Variants in CLVS1 observed in about 807,000 individuals in gnomAD.
CLVS1 encodes the protein clavesin-1.
Under a neutral mutation model 33.1 loss-of-function variants are expected in CLVS1, and 10 were observed. That is an observed-to-expected ratio of 0.30 (90% CI 0.19 to 0.51). The LOEUF is 0.51. Among genes scored for constraint, CLVS1 ranks in the 20% least tolerant of loss-of-function variants. The pLI, the probability that CLVS1 is intolerant of heterozygous loss-of-function variation, is 0.97. For missense variants in CLVS1, 343 were observed against 433.4 expected (o/e 0.79, Z 1.85); for synonymous variants, 163 against 166.1 (o/e 0.98, Z 0.14).
At chr8:61,186,044 CAG>C (rs1048278132) in intron 2 of CLVS1, among the ~76,000 whole-genome samples, 19 of 152,268 alleles carry the variant, frequency 1.2e-4, no homozygotes, top group African/African-American at 4.3e-4. Flanking sequence ...TCAGGGCTAA[CAG>C]GGGTAGGGGA....
chr8:61,134,175 G>A (rs1213890126), intron 2 of CLVS1, among the ~76,000 whole-genome samples: 5 of 152,130 alleles, frequency 3.3e-5, no homozygotes, highest in Non-Finnish European at 7.4e-5. Flanking sequence ...GAGACACAGA[G>A]AAAGAAATAG....
chr8:61,019,740 T>C, the CLVS1 span, among the ~76,000 whole-genome samples: 2 of 152,214 alleles, frequency 1.3e-5, no homozygotes, highest in Non-Finnish European at 2.9e-5. Context: ...TCATCATCCA[T>C]GTAGACATGG....
intron 1 of CLVS1, among the ~76,000 whole-genome samples, chr8:61,071,947 T>G (rs539127896): frequency 1.8e-4 from 27 of 152,338 alleles, no homozygotes; most frequent in Admixed American, 1.6e-3. Context: ...CCTGCCACTC[T>G]TATTTCCTCA....
chr8:61,340,361 C>T (rs889417009), intron 2 of CLVS1, among the ~76,000 whole-genome samples: 4 of 152,182 alleles, frequency 2.6e-5, no homozygotes, highest in African/African-American at 9.7e-5. Flanking sequence ...TCCTCCAGCC[C>T]CTGGTAGCTG....
chr8:61,026,925 T>C, the CLVS1 span, among the ~76,000 whole-genome samples: 1 of 152,036 alleles, frequency 6.6e-6, no homozygotes, highest in East Asian at 1.9e-4. Context: ...CACTTGAAAA[T>C]TGAGGCCTCA....
At chr8:61,337,120 A>G (rs1811834980) in intron 2 of CLVS1, among the ~76,000 whole-genome samples, 1 of 152,198 alleles carries the variant, frequency 6.6e-6, no homozygotes, top group African/African-American at 2.4e-5. Flanking sequence ...GTTGACTACA[A>G]GATCAGGGAA....
chr8:61,260,942 T>C (rs1809190926), intron 2 of CLVS1, among the ~76,000 whole-genome samples: 1 of 152,216 alleles, frequency 6.6e-6, no homozygotes, highest in Non-Finnish European at 1.5e-5. Flanking sequence ...AAGGAGCTTG[T>C]TTCAATTCAA....
chr8:60,979,973 CATG>C, the CLVS1 span, among the ~76,000 whole-genome samples: 9 of 152,222 alleles, frequency 5.9e-5, no homozygotes, highest in African/African-American at 1.4e-4. Flanking sequence ...TTGAAAAAGA[CATG>C]ATCTCTGCCC....
chr8:61,378,118 T>C (rs984645618), intron 3 of CLVS1: 2 of 152,212 alleles, frequency 1.3e-5, no homozygotes, highest in Admixed American at 1.3e-4. Context: ...TCAGGGCTTA[T>C]ATCATGCGCT....
chr8:61,209,144 G>C (rs1807920789), intron 2 of CLVS1, among the ~76,000 whole-genome samples: 1 of 152,086 alleles, frequency 6.6e-6, no homozygotes. Flanking sequence ...CACAAACATT[G>C]ACCATATTTT....
chr8:61,120,828 T>C (rs1805845406), intron 1 of CLVS1, among the ~76,000 whole-genome samples: 2 of 147,914 alleles, frequency 1.4e-5, no homozygotes, highest in Non-Finnish European at 3.0e-5. Context: ...GTCTTTTTGT[T>C]TGTCTGTGCC....
At chr8:61,444,074 T>C (rs1816668256) in intron 3 of CLVS1, among the ~76,000 whole-genome samples, 1 of 152,184 alleles carries the variant, frequency 6.6e-6, no homozygotes, top group African/African-American at 2.4e-5. Context: ...ATATTTATCT[T>C]AAATCCTGCA....
intron 5 of CLVS1, among the ~76,000 whole-genome samples, chr8:61,463,247 G>A (rs1411298895): frequency 1.3e-5 from 2 of 152,140 alleles, no homozygotes; most frequent in Non-Finnish European, 2.9e-5. Context: ...TTAGGCTTTG[G>A]CTTAAGGAAA....
At chr8:61,017,994 G>A in the CLVS1 span, among the ~76,000 whole-genome samples, 1 of 152,194 alleles carries the variant, frequency 6.6e-6, no homozygotes, top group Non-Finnish European at 1.5e-5. Context: ...AATGTTGAGG[G>A]CAGAAAGATG....
chr8:61,013,399 G>T, the CLVS1 span, among the ~76,000 whole-genome samples: 3 of 152,192 alleles, frequency 2.0e-5, no homozygotes, highest in Non-Finnish European at 4.4e-5. Flanking sequence ...TGCTGGCCCA[G>T]TCTCCTTCCC....
chr8:61,050,917 C>T, the CLVS1 span, among the ~76,000 whole-genome samples: 1 of 152,170 alleles, frequency 6.6e-6, no homozygotes, highest in African/African-American at 2.4e-5. Context: ...CCCTGCCACC[C>T]CTGGGAAAGT....
At chr8:61,447,906 G>C (rs1450117796) in intron 3 of CLVS1, among the ~76,000 whole-genome samples, 1 of 151,920 alleles carries the variant, frequency 6.6e-6, no homozygotes, top group Non-Finnish European at 1.5e-5. Context: ...TTTCCTTCCT[G>C]TTTAGGAGAA....
chr8:61,445,496 C>T (rs1381014286), intron 3 of CLVS1, among the ~76,000 whole-genome samples: 1 of 152,196 alleles, frequency 6.6e-6, no homozygotes, highest in Non-Finnish European at 1.5e-5. Context: ...TACATACCTG[C>T]TCCCCTTCAC....
chr8:60,990,017 A>G, the CLVS1 span, among the ~76,000 whole-genome samples: 3 of 148,034 alleles, frequency 2.0e-5, no homozygotes, highest in Non-Finnish European at 4.5e-5. Flanking sequence ...CCCAGCTACT[A>G]TGGAGGCTGA....
Sources: allele counts gnomAD v4.1 joint callset (sites outside exome capture counted in the v4.1 genomes callset), GRCh38; gene constraint gnomAD v4.1.1; transcripts MANE v1.5; gene names NCBI Gene and HGNC (gene_info 2026-07-23, HGNC 2026-07-21).